Variants in PPCDC observed in about 807,000 individuals in gnomAD.
PPCDC encodes phosphopantothenoylcysteine decarboxylase.
A neutral mutation model predicts 20.7 loss-of-function variants in PPCDC; 20 were observed. The observed-to-expected ratio is 0.97, with a 90% CI of 0.68 to 1.41. The LOEUF (loss-of-function observed/expected upper bound fraction) is 1.41, where lower values mean the gene tolerates loss of function less well. PPCDC is among the 40% of genes most tolerant of loss of function. The pLI is 0.00. For missense variants in PPCDC, 246 were observed against 263.8 expected (o/e 0.93, Z 0.47); for synonymous variants, 88 against 100.3 (o/e 0.88, Z 0.73).
At chr15:75,030,201 G>A (rs2066005421) in intron 2 of PPCDC, among the ~76,000 whole-genome samples, 1 of 152,156 alleles carries the variant, frequency 6.6e-6, no homozygotes, top group Non-Finnish European at 1.5e-5. Context: ...TTGAAAATAG[G>A]GCTGATTCCT....
chr15:75,042,584 C>T (rs1450706035), intron 2 of PPCDC, among the ~76,000 whole-genome samples: 4 of 142,514 alleles, frequency 2.8e-5, no homozygotes, highest in Non-Finnish European at 6.0e-5. Flanking sequence ...ACCTGGGAGG[C>T]GGAGGTTGCG....
At position 75,028,431 on chromosome 15, in the gene PPCDC, C is replaced by T; in HGVS notation, c.113C>T (p.Ser38Leu). 6.2e-7 allele frequency: 1 copy of T among 1,614,216 alleles called. No homozygotes were observed. Among genetic ancestry groups the T allele is most frequent in the Non-Finnish European group, 8.5e-7 (1 of 1,180,044 alleles). ...VAALKLPLLV[S>L]KLLDIPGLEV... Reference sequence around the variant, plus strand: ...GCCCTGAAGTTGCCTCTTCTGGTGTCAAAGCTTTTGGACATTCCTGGGGTG... The same window carrying T: ...GCCCTGAAGTTGCCTCTTCTGGTGTTAAAGCTTTTGGACATTCCTGGGGTG... The change falls in exon 2 of 6, where the codon TCA (serine) becomes TTA (leucine). Residue 38 changes from serine to leucine, a missense_variant. By Grantham distance (145) the Ser-to-Leu change is moderately radical. Transcript: ENST00000342932.
At chr15:75,045,488 T>C (rs2066219929) in intron 4 of PPCDC, among the ~76,000 whole-genome samples, 1 of 152,202 alleles carries the variant, frequency 6.6e-6, no homozygotes, top group Non-Finnish European at 1.5e-5. Context: ...AGTTTTACTT[T>C]TGCGAGTAGC....
At chr15:75,037,615 C>T (rs1169628410) in intron 2 of PPCDC, among the ~76,000 whole-genome samples, 2 of 152,106 alleles carry the variant, frequency 1.3e-5, no homozygotes, top group East Asian at 1.9e-4. Context: ...GGCATGGTGG[C>T]GCATGCCTGT....
At position 75,044,086 on chromosome 15, in the gene PPCDC, C is replaced by G. The variant is rs1478330878; in HGVS notation, c.232-300C>G. On this transcript the variant is annotated intron_variant, in intron 3 of 5. Transcript: ENST00000342932. ...GGAGCTTTCCACTGGCTTGGACAAC[C>G]CAAGCATCCGCCTCAAGCAGACAGG... is the stretch of plus-strand genomic sequence containing the variant. Among the ~76,000 whole-genome samples, 9 of 148,336 alleles carry G rather than the reference C, an allele frequency of 6.1e-5. No homozygotes were observed. The East Asian group carries it at 1.6e-3, about 26-fold the overall frequency.
intron 1 of PPCDC, among the ~76,000 whole-genome samples, chr15:75,025,297 C>A (rs933746362): frequency 2.0e-5 from 3 of 152,170 alleles, no homozygotes; most frequent in Non-Finnish European, 4.4e-5. Flanking sequence ...TACCCACCAC[C>A]CACTTCCCTT....
intron 1 of PPCDC, among the ~76,000 whole-genome samples, chr15:75,027,509 A>C (rs2065972112): frequency 6.6e-6 from 1 of 152,162 alleles, no homozygotes; most frequent in Admixed American, 6.5e-5. Context: ...TAACAGGGAC[A>C]GGGACAGAGA....
rs530128059 is a variant in PPCDC, at chr15:75,032,733, C to CACA, written c.135+4280_135+4281insACA. On this transcript the variant is annotated intron_variant, in intron 2 of 5. Transcript: ENST00000342932. ...GGAGCTAGCAAACTGGACCCCCCCC[C>CACA]CCAAGGCCAAATTCGGCTCTGCCTG... is the stretch of plus-strand genomic sequence containing the variant. 7.4e-4 allele frequency among the ~76,000 whole-genome samples: 102 copies of CACA among 137,144 alleles called. 9 individuals carry two copies. Among genetic ancestry groups the CACA allele is most frequent in the Admixed American group, 1.7e-3 (23 of 13,842 alleles). The allele number at this position is 137,144 out of a possible 152,430, so 90.0% of individuals were successfully genotyped here. A position where few individuals can be genotyped will look rare whatever the true frequency, so the allele number is the denominator to read the frequency against.
chr15:75,031,504 C>T (rs996535825), intron 2 of PPCDC, among the ~76,000 whole-genome samples: 1 of 152,006 alleles, frequency 6.6e-6, no homozygotes, highest in Non-Finnish European at 1.5e-5. Context: ...GAGGCCAGTT[C>T]GAGACCACCC....
At chr15:75,041,073 T>C (rs1030747654) in intron 2 of PPCDC, among the ~76,000 whole-genome samples, 3 of 152,214 alleles carry the variant, frequency 2.0e-5, no homozygotes, top group Non-Finnish European at 4.4e-5. Context: ...TAAAGGTTAT[T>C]CTTCTTATGG....
At chr15:75,023,657 G>C (rs1484057380) in intron 1 of PPCDC, 31 bp downstream of exon 1, 1 of 152,382 alleles carries the variant, frequency 6.6e-6, no homozygotes, top group Non-Finnish European at 1.5e-5. Context: ...GGGAAGCTGG[G>C]TTCTCGCGGC....
intron 1 of PPCDC, among the ~76,000 whole-genome samples, chr15:75,024,514 A>C (rs1246768412): frequency 6.6e-6 from 1 of 151,768 alleles, no homozygotes; most frequent in East Asian, 1.9e-4. Flanking sequence ...TACCCGGCTA[A>C]TTTTTATTTT....
At chr15:75,040,625 G>A (rs573517978) in intron 2 of PPCDC, among the ~76,000 whole-genome samples, 69 of 152,096 alleles carry the variant, frequency 4.5e-4, no homozygotes, top group African/African-American at 1.2e-3. Flanking sequence ...TACCTATGCT[G>A]TCTTATTTAA....
chr15:75,029,762 G>C (rs984247671), intron 2 of PPCDC, among the ~76,000 whole-genome samples: 2 of 152,204 alleles, frequency 1.3e-5, no homozygotes, highest in Non-Finnish European at 2.9e-5. Flanking sequence ...AGCTAGAGCC[G>C]TGAGGGTGGG....
rs1397635838 is a variant in PPCDC at position 75,048,537 on chromosome 15, C to T, written c.361-16C>T. 1 of 1,611,772 alleles carries T rather than the reference C, an allele frequency of 6.2e-7. No homozygotes were observed. Among genetic ancestry groups the T allele is most frequent in the Non-Finnish European group, 8.5e-7 (1 of 1,178,748 alleles). On this transcript the variant is annotated splice_polypyrimidine_tract_variant and intron_variant, in intron 4 of 5. Coordinates refer to ENST00000342932, the MANE Select transcript of PPCDC (RefSeq NM_021823.5). ...ACAGAGTAGCAAGACCCCCACTTCC[C>T]TGGCCTTCTTCACAGACCTGCGTCA...
chr15:75,026,369 C>A (rs1429876059), intron 1 of PPCDC, among the ~76,000 whole-genome samples: 1 of 152,228 alleles, frequency 6.6e-6, no homozygotes, highest in Non-Finnish European at 1.5e-5. Flanking sequence ...CTCCCCACTC[C>A]CTGGGGTAAA....
chr15:75,045,399 A>G (rs752849103), intron 4 of PPCDC, among the ~76,000 whole-genome samples: 9 of 152,180 alleles, frequency 5.9e-5, no homozygotes, highest in Non-Finnish European at 1.3e-4. Flanking sequence ...AGTCCTTTCT[A>G]TGGAGTCACC....
At position 75,028,304 on chromosome 15, in the gene PPCDC, G is replaced by A; in HGVS notation, c.-15G>A. The A allele has an allele frequency of 6.2e-7, 1 of 1,611,778 alleles. No individual in the cohort carries two copies. Among genetic ancestry groups the A allele is most frequent in the Non-Finnish European group, 8.5e-7 (1 of 1,179,360 alleles). ...GCCTGGCAGGCTCCCAGAACTTGAA[G>A]CCACCAGACCCCACATGGAACCAAA... On this transcript the variant is annotated 5_prime_UTR_variant, in exon 2 of 6. Coordinates refer to ENST00000342932, the MANE Select transcript of PPCDC (RefSeq NM_021823.5).
intron 2 of PPCDC, among the ~76,000 whole-genome samples, chr15:75,035,746 C>T (rs2066076857): frequency 6.6e-6 from 1 of 152,162 alleles, no homozygotes; most frequent in South Asian, 2.1e-4. Flanking sequence ...GTGGGCAGAT[C>T]ACCTGAGGCC....
Sources: allele counts gnomAD v4.1 joint callset (sites outside exome capture counted in the v4.1 genomes callset), GRCh38; gene constraint gnomAD v4.1.1; transcripts MANE v1.5; gene names NCBI Gene and HGNC (gene_info 2026-07-23, HGNC 2026-07-21).